Variants in IHO1 observed in about 807,000 individuals in gnomAD.
IHO1 encodes the protein interactor of HORMAD1 1, also known as interactor of HORMAD1 protein 1.
A neutral mutation model predicts 31.0 loss-of-function variants in IHO1; 13 were observed. That is an observed-to-expected ratio of 0.42 (90% CI 0.27 to 0.67). The LOEUF is 0.67. IHO1 is among the 30% of genes least tolerant of loss of function. IHO1 has a pLI of 0.24. For missense variants in IHO1, 599 were observed against 687.5 expected, an observed-to-expected ratio of 0.87 and a Z score of 1.44; for synonymous variants, 221 against 248.4, an observed-to-expected ratio of 0.89 and a Z score of 1.04.
rs1345793474 is a variant in IHO1 at position 49,244,712 on chromosome 3, T to C, written c.511T>C (p.Leu171=). ...SSRSQSILDS[L]ETVAKTLQET... ...AAGAAGCCAATCTATTTTGGATTCTTTGGAGACTGTGGCCAAGACATGTGA... is the reference window on the plus strand; with the variant it reads ...AAGAAGCCAATCTATTTTGGATTCTCTGGAGACTGTGGCCAAGACATGTGA... Residue 171 remains leucine, a synonymous_variant, in exon 6 of 8, where the codon TTG becomes CTG. Transcript: ENST00000452691. 1.9e-6 allele frequency: 3 copies of C among 1,614,168 alleles called. No individual in the cohort carries two copies. Among genetic ancestry groups the C allele is most frequent in the East Asian group, 2.2e-5 (1 of 44,888 alleles).
At chr3:49,193,701 C>T (rs1477732301), upstream of IHO1, among the ~76,000 whole-genome samples, 6 of 143,742 alleles carry the variant, frequency 4.2e-5, no homozygotes, top group East Asian at 2.1e-4. Flanking sequence ...CAGTGGCTCA[C>T]GCCTGTAATC....
intron 2 of IHO1, among the ~76,000 whole-genome samples, chr3:49,223,603 A>G (rs2046381281): frequency 6.6e-6 from 1 of 152,000 alleles, no homozygotes; most frequent in East Asian, 1.9e-4. Flanking sequence ...AGGCAGGAGA[A>G]TGGCGCGAAC....
At chr3:49,237,990 C>T (rs186781504) in intron 3 of IHO1, among the ~76,000 whole-genome samples, 15 of 129,074 alleles carry the variant, frequency 1.2e-4, no homozygotes, top group South Asian at 8.1e-4. Flanking sequence ...CTGCAAACTT[C>T]GCCTTCCAGG....
At chr3:49,214,863 C>A (rs2046269044) in intron 2 of IHO1, among the ~76,000 whole-genome samples, 1 of 151,326 alleles carries the variant, frequency 6.6e-6, no homozygotes, top group Non-Finnish European at 1.5e-5. Context: ...TGATCTCAAA[C>A]AACTGACCTC....
chr3:49,194,359 A>G (rs140489163), upstream of IHO1, among the ~76,000 whole-genome samples: 2,022 of 141,044 alleles, frequency 0.014, 43 homozygotes, highest in African/African-American at 0.049. Flanking sequence ...GCTGGAGTGC[A>G]GTGGTGTGAT....
intron 2 of IHO1, among the ~76,000 whole-genome samples, chr3:49,220,953 A>G (rs1485593863): frequency 1.3e-5 from 2 of 152,230 alleles, no homozygotes; most frequent in African/African-American, 4.8e-5. Flanking sequence ...GGGGACCCGA[A>G]CGGGTTGCCG....
chr3:49,256,548 A>T lies in IHO1; in HGVS notation c.1051A>T (p.Lys351Ter). The T allele has an allele frequency of 6.2e-7, 1 of 1,614,202 alleles. No homozygotes were observed. Among genetic ancestry groups the T allele is most frequent in the Non-Finnish European group, 8.5e-7 (1 of 1,180,028 alleles). ...SHERNRHVKD[K>*]VVQTNCKNWA... ...TGAAAGAAATAGGCATGTAAAGGAC[A>T]AGGTGGTGCAGACTAACTGCAAGAA... Residue 351 changes from lysine to a stop codon, truncating the protein, a stop_gained, in exon 8 of 8, where the codon AAG (lysine) becomes TAG (stop). Transcript: ENST00000452691. LOFTEE classifies it low-confidence loss of function (END_TRUNC). The surrounding 1 kb of genome is among the most constrained non-coding windows in gnomAD (Gnocchi z 4.6).
intron 2 of IHO1, among the ~76,000 whole-genome samples, chr3:49,216,859 T>C (rs556061309): frequency 3.9e-5 from 6 of 152,298 alleles, no homozygotes; most frequent in African/African-American, 1.4e-4. Context: ...AAATAAGACA[T>C]TTATGCAACC....
intron 2 of IHO1, among the ~76,000 whole-genome samples, chr3:49,213,237 A>T (rs895947000): frequency 1.3e-5 from 2 of 152,106 alleles, no homozygotes; most frequent in Non-Finnish European, 2.9e-5. Context: ...CAGAGCACTG[A>T]TTGGTGCATT....
rs1400525591 is a variant in IHO1, at chr3:49,244,204, T to C, written c.396-200T>C. On this transcript the variant is annotated intron_variant, in intron 4 of 7. Coordinates refer to ENST00000452691, the MANE Select transcript of IHO1 (RefSeq NM_001135197.2). ...TCCTGACCTTGTGATCCACCTGCCT[T>C]AGCCTCCCAAGATGCTGGGACTCTC... Among the ~76,000 whole-genome samples the C allele has an allele frequency of 2.0e-5, 3 of 152,098 alleles. No homozygotes were observed. In the East Asian group the frequency reaches 5.8e-4, roughly 29 times the overall value.
rs1343778960 is a variant in IHO1 at position 49,257,651 on chromosome 3, A to G, written c.*369A>G. On this transcript the variant is annotated 3_prime_UTR_variant, in exon 8 of 8. Coordinates refer to ENST00000452691, the MANE Select transcript of IHO1 (RefSeq NM_001135197.2). ...CTCATAAAACTGTTGCGGTGGCAGCATGACTCCAAACAACATTTTTGGGTC... is the reference window on the plus strand; with the variant it reads ...CTCATAAAACTGTTGCGGTGGCAGCGTGACTCCAAACAACATTTTTGGGTC... The G allele has an allele frequency of 1.1e-5, 2 of 188,024 alleles. No individual in the cohort carries two copies. Among genetic ancestry groups the G allele is most frequent in the Non-Finnish European group, 2.2e-5 (2 of 90,656 alleles). The allele number at this position is 188,024 out of a possible 1,614,324, so 11.6% of individuals were successfully genotyped here.
At chr3:49,228,383 G>A (rs1304964029) in intron 2 of IHO1, 1 of 444,210 alleles carries the variant, frequency 2.3e-6, no homozygotes, top group African/African-American at 2.0e-5. Flanking sequence ...TGACAGCCAT[G>A]TCTTTAGTCC....
intron 1 of IHO1, among the ~76,000 whole-genome samples, chr3:49,209,863 CA>C (rs1284788483): frequency 6.8e-6 from 1 of 147,660 alleles, no homozygotes; most frequent in African/African-American, 2.5e-5. Context: ...TACAGGAGCC[CA>C]CCACCATGCC....
At chr3:49,237,284 T>C (rs937161755) in intron 3 of IHO1, among the ~76,000 whole-genome samples, 11 of 151,902 alleles carry the variant, frequency 7.2e-5, no homozygotes, top group South Asian at 2.1e-4. Flanking sequence ...GAGGTAGAGG[T>C]TGCAGTGAGC....
At chr3:49,224,755 C>T (rs983683394) in intron 2 of IHO1, among the ~76,000 whole-genome samples, 1 of 152,178 alleles carries the variant, frequency 6.6e-6, no homozygotes. Context: ...TCTAAGATAT[C>T]ATCTTGAGCG....
chr3:49,213,011 G>A (rs1354715751), intron 2 of IHO1, among the ~76,000 whole-genome samples: 1 of 152,188 alleles, frequency 6.6e-6, no homozygotes, highest in Non-Finnish European at 1.5e-5. Context: ...TTTTGACAGG[G>A]TGCTGATTGG....
chr3:49,194,758 T>C (rs948146287), upstream of IHO1, among the ~76,000 whole-genome samples: 28 of 150,594 alleles, frequency 1.9e-4, no homozygotes, highest in African/African-American at 5.6e-4. Context: ...TAGCCAGACA[T>C]GGTGACGTGC....
At chr3:49,243,712 C>G in intron 4 of IHO1, among the ~76,000 whole-genome samples, 1 of 137,544 alleles carries the variant, frequency 7.3e-6, no homozygotes. Context: ...GAGCCGAGAT[C>G]GTGCCACTGC....
intron 2 of IHO1, among the ~76,000 whole-genome samples, chr3:49,230,867 A>C (rs1248962881): frequency 1.3e-5 from 2 of 152,220 alleles, no homozygotes; most frequent in Non-Finnish European, 2.9e-5. Context: ...TACCTATGCC[A>C]TGAGTAATCT....
Sources: allele counts gnomAD v4.1 joint callset (sites outside exome capture counted in the v4.1 genomes callset), GRCh38; gene constraint gnomAD v4.1.1; non-coding constraint Gnocchi (gnomAD v3.1); transcripts MANE v1.5; gene names NCBI Gene and HGNC (gene_info 2026-07-23, HGNC 2026-07-21).